The following PTPRM variants were observed in gnomAD, a reference collection of about 807,000 sequenced individuals.
PTPRM encodes the protein receptor-type tyrosine-protein phosphatase mu.
PTPRM carries 47 observed loss-of-function variants against 186.7 expected under a neutral mutation model. The ratio of observed to expected loss-of-function variants is 0.25; its 90% CI spans 0.20 to 0.32. The LOEUF (loss-of-function observed/expected upper bound fraction) is 0.32, where lower values mean the gene tolerates loss of function less well. Ranked by LOEUF, PTPRM falls within the 10% of genes least tolerant of loss-of-function variation. The probability of loss-of-function intolerance (pLI) is 1.00; values close to 1 mark genes in which losing one functional copy is unlikely to be tolerated. For missense variants in PTPRM, 1,494 were observed against 1,865.0 expected, an observed-to-expected ratio of 0.80 and a Z score of 3.66; for synonymous variants, 668 against 674.9, an observed-to-expected ratio of 0.99 and a Z score of 0.16.
chr18:8,102,569 A>ATTGAATTGCAGCAC lies in PTPRM; in HGVS notation c.1857-10916_1857-10915insTGAATTGCAGCACT, dbSNP rs1479311273. ...ACTGCTCATCCGTTCAAGTGTGATC[A>ATTGAATTGCAGCAC]TGAGATTGCAGCAATTCAGTCATGT... On this transcript the variant is annotated intron_variant, in intron 11 of 32. Coordinates refer to ENST00000580170, the MANE Select transcript of PTPRM (RefSeq NM_001105244.2). Among the ~76,000 whole-genome samples the ATTGAATTGCAGCAC allele has an allele frequency of 8.0e-3, 1,216 of 152,318 alleles. 9 individuals are homozygous for ATTGAATTGCAGCAC. The highest frequency in any genetic ancestry group is 0.027 in the African/African-American group (1,124 of 41,584).
At chr18:8,195,664 CACTT>C (rs1480891610) in intron 14 of PTPRM, among the ~76,000 whole-genome samples, 5 of 152,298 alleles carry the variant, frequency 3.3e-5, no homozygotes, top group African/African-American at 1.2e-4. Context: ...CACCTGTTCT[CACTT>C]ACAAGTGGGA....
chr18:7,675,623 G>T (rs1334828065), intron 1 of PTPRM, among the ~76,000 whole-genome samples: 1 of 152,160 alleles, frequency 6.6e-6, no homozygotes, highest in African/African-American at 2.4e-5. Flanking sequence ...GGGTTCTGCT[G>T]ACGCTGGTTT....
Position 7,983,189 on chromosome 18 carries a change from C to G in PTPRM, c.1132+27775C>G, listed in dbSNP as rs188742551. Reference sequence around the variant, plus strand: ...GCCAGAGGCGGGCGAGCATCACCACCTGAGTTCCACCTCCTGTCAGATCAG... The same window carrying G: ...GCCAGAGGCGGGCGAGCATCACCACGTGAGTTCCACCTCCTGTCAGATCAG... On this transcript the variant is annotated intron_variant, in intron 7 of 32. Transcript: ENST00000580170. 3.6e-3 allele frequency among the ~76,000 whole-genome samples: 543 copies of G among 152,270 alleles called. 2 individuals carry two copies. The highest frequency in any genetic ancestry group is 0.012 in the African/African-American group (515 of 41,562).
rs766923892 is a variant in PTPRM at position 8,113,558 on chromosome 18, C to T, written c.1929C>T (p.Tyr643=). The T allele has an allele frequency of 1.2e-6, 2 of 1,613,896 alleles. No homozygotes were observed. Among genetic ancestry groups the T allele is most frequent in the South Asian group, 1.1e-5 (1 of 91,080 alleles). ...AGACGACAGAAATCTTAAAGTGCTA[C>T]CCAGTGCCAATTCACTTCCAGAATG... ...TKKTTEILKC[Y]PVPIHFQNAS... is the part of the protein sequence containing the mutation. Residue 643 remains tyrosine, a synonymous_variant, in exon 12 of 33, where the codon TAC becomes TAT. Transcript: ENST00000580170.
At chr18:8,179,695 C>A (rs373045484) in intron 14 of PTPRM, among the ~76,000 whole-genome samples, 1 of 152,072 alleles carries the variant, frequency 6.6e-6, no homozygotes, top group African/African-American at 2.4e-5. Context: ...GTCTTGATCT[C>A]TTGACCTCGT....
intron 1 of PTPRM, among the ~76,000 whole-genome samples, chr18:7,719,187 T>A (rs2040401312): frequency 6.6e-6 from 1 of 152,222 alleles, no homozygotes. Flanking sequence ...AAATGTGCTA[T>A]GTATACACTG....
chr18:7,852,040 G>A (rs1567916275), intron 2 of PTPRM, among the ~76,000 whole-genome samples: 1 of 152,054 alleles, frequency 6.6e-6, no homozygotes, highest in Non-Finnish European at 1.5e-5. Flanking sequence ...GATATGTAAA[G>A]AACAAGCTAC....
chr18:8,389,397 G>A (rs2095797490), intron 31 of PTPRM, among the ~76,000 whole-genome samples: 1 of 152,194 alleles, frequency 6.6e-6, no homozygotes, highest in African/African-American at 2.4e-5. Context: ...ACTTCCCAGA[G>A]GCAGCTGTGA....
intron 14 of PTPRM, among the ~76,000 whole-genome samples, chr18:8,153,246 G>C (rs543075992): frequency 6.6e-6 from 1 of 152,296 alleles, no homozygotes; most frequent in African/African-American, 2.4e-5. Context: ...GTGAGGAATA[G>C]CCTGCAACTA....
At position 8,042,911 on chromosome 18, in the gene PTPRM, C is replaced by T. The variant is rs558137940; in HGVS notation, c.1133-26775C>T. On this transcript the variant is annotated intron_variant, in intron 7 of 32. Transcript: ENST00000580170. The stretch of plus-strand genomic sequence containing the variant: ...CATGTACTCATCGCCAAGACAGTTC[C>T]CCCTGTAGACCCTCCAACTCCCCCT... 5.9e-5 allele frequency among the ~76,000 whole-genome samples: 9 copies of T among 152,244 alleles called. No homozygotes were observed. In the South Asian group the frequency reaches 1.9e-3, roughly 32 times the overall value.
rs541070296 is a variant in PTPRM, at chr18:8,382,193, G to A, written c.3918+1766G>A. On this transcript the variant is annotated intron_variant, in intron 29 of 32. Coordinates refer to ENST00000580170, the MANE Select transcript of PTPRM (RefSeq NM_001105244.2). ...AACTATTTTAAGTATTTATAGGTCC[G>A]GTTCACGGACGTGTTATGCACCATT... Among the ~76,000 whole-genome samples, 272 of 152,226 alleles carry A rather than the reference G, an allele frequency of 1.8e-3. 2 individuals are homozygous for A. Among genetic ancestry groups the A allele is most frequent in the African/African-American group, 6.4e-3 (267 of 41,530 alleles).
At chr18:7,868,465 G>A (rs1007131158) in intron 2 of PTPRM, among the ~76,000 whole-genome samples, 2 of 152,164 alleles carry the variant, frequency 1.3e-5, no homozygotes, top group African/African-American at 4.8e-5. Flanking sequence ...TCTGCTGCAG[G>A]TCTGCTGGAG....
At chr18:8,043,310 C>G (rs1364792491) in intron 7 of PTPRM, among the ~76,000 whole-genome samples, 1 of 152,142 alleles carries the variant, frequency 6.6e-6, no homozygotes, top group Non-Finnish European at 1.5e-5. Context: ...CTGGGAGCTT[C>G]TTAGTCACTG....
intron 1 of PTPRM, among the ~76,000 whole-genome samples, chr18:7,739,182 AT>A (rs1414245277): frequency 6.6e-6 from 1 of 152,010 alleles, no homozygotes. Context: ...TGAGGCATCC[AT>A]TTACTGAGCT....
In PTPRM at chr18:8,259,362, CATT is replaced by C. The variant is rs372158764; in HGVS notation, c.2754+5951_2754+5953del. On this transcript the variant is annotated intron_variant, in intron 19 of 32. Transcript: ENST00000580170. ...TCAGTTTAAACTGGGGAATTGAAAA[CATT>C]ATGCCAGAATCTTCAGAATTAGGTA... Among the ~76,000 whole-genome samples the C allele has an allele frequency of 1.9e-3, 284 of 152,246 alleles. 2 individuals carry two copies. The highest frequency in any genetic ancestry group is 6.7e-3 in the African/African-American group (278 of 41,548).
At chr18:7,755,715 C>T (rs1362185065) in intron 1 of PTPRM, among the ~76,000 whole-genome samples, 1 of 152,152 alleles carries the variant, frequency 6.6e-6, no homozygotes, top group Non-Finnish European at 1.5e-5. Context: ...GAAAATCCTA[C>T]CTTCAAAAAG....
intron 1 of PTPRM, among the ~76,000 whole-genome samples, chr18:7,628,105 A>G (rs2038104174): frequency 6.6e-6 from 1 of 152,198 alleles, no homozygotes; most frequent in Non-Finnish European, 1.5e-5. Flanking sequence ...GTGAGCCGAG[A>G]TTGCACCACT....
At chr18:7,670,777 T>G (rs1342229904) in intron 1 of PTPRM, among the ~76,000 whole-genome samples, 1 of 152,204 alleles carries the variant, frequency 6.6e-6, no homozygotes, top group African/African-American at 2.4e-5. Flanking sequence ...CCAATGAATT[T>G]TGGCTACCAA....
At chr18:7,774,749 T>A (rs1476100460) in intron 2 of PTPRM, among the ~76,000 whole-genome samples, 1 of 152,166 alleles carries the variant, frequency 6.6e-6, no homozygotes. Context: ...AATGCAAAAA[T>A]GTGGGTATTT....
Sources: allele counts gnomAD v4.1 joint callset (sites outside exome capture counted in the v4.1 genomes callset), GRCh38; gene constraint gnomAD v4.1.1; transcripts MANE v1.5; gene names NCBI Gene and HGNC (gene_info 2026-07-23, HGNC 2026-07-21).